Variants in RBM19 observed in about 807,000 individuals in gnomAD.
RBM19 encodes the protein RNA binding motif protein 19, also known as probable RNA-binding protein 19.
RBM19 carries 94 observed loss-of-function variants against 116.8 expected under a neutral mutation model. The observed-to-expected ratio is 0.80, with a 90% confidence interval of 0.68 to 0.95. The LOEUF is 0.95. Ranked by LOEUF, RBM19 falls within the 40% of genes least tolerant of loss-of-function variation. The pLI, the probability that RBM19 is intolerant of heterozygous loss-of-function variation, is 0.00. For synonymous variants in RBM19, 475 were observed against 494.1 expected, an observed-to-expected ratio of 0.96 and a Z score of 0.51; for missense variants, 1,161 against 1,220.7, an observed-to-expected ratio of 0.95 and a Z score of 0.73.
chr12:113,953,913 G>A (rs1174692180), intron 7 of RBM19, among the ~76,000 whole-genome samples: 3 of 152,236 alleles, frequency 2.0e-5, no homozygotes, highest in Non-Finnish European at 4.4e-5. Flanking sequence ...GGCTTACAAA[G>A]CCTGACATAT....
At chr12:113,820,245 TAA>T (rs10667485), downstream of RBM19, among the ~76,000 whole-genome samples, 1 of 140,040 alleles carries the variant, frequency 7.1e-6, no homozygotes, top group Non-Finnish European at 1.5e-5. Context: ...ACTGATGAAC[TAA>T]AAAAAAAAAA....
intron 21 of RBM19, among the ~76,000 whole-genome samples, chr12:113,866,335 C>A (rs1878807219): frequency 6.6e-6 from 1 of 152,152 alleles, no homozygotes; most frequent in Non-Finnish European, 1.5e-5. Flanking sequence ...TGGAGGAGGG[C>A]CTTTAGCTTT....
intron 7 of RBM19, among the ~76,000 whole-genome samples, chr12:113,954,817 C>T (rs73401066): frequency 0.088 from 13,325 of 152,164 alleles, 674 homozygotes; most frequent in East Asian, 0.17. Context: ...CAACAGAGAC[C>T]GTGTTGATCA....
At chr12:113,950,055 A>G in intron 9 of RBM19, 28 bp downstream of exon 9, 1 of 1,554,234 alleles carries the variant, frequency 6.4e-7, no homozygotes. Flanking sequence ...TGTAACACAG[A>G]GAGAGCACAT....
At chr12:113,841,068 C>A (rs1876429830) in intron 23 of RBM19, among the ~76,000 whole-genome samples, 1 of 152,314 alleles carries the variant, frequency 6.6e-6, no homozygotes, top group South Asian at 2.1e-4. Context: ...CTTCCAGAAC[C>A]TGGGAGGGCA....
rs1458573552 is a variant in RBM19 at position 113,823,113 on chromosome 12, C to T, written c.*111G>A. 19 of 984,246 alleles carry T rather than the reference C, an allele frequency of 1.9e-5. No individual in the cohort carries two copies. The highest frequency in any genetic ancestry group is 5.2e-5 in the East Asian group (2 of 38,500). The allele number at this position is 984,246 out of a possible 1,614,324, so 61.0% of individuals were successfully genotyped here. The stretch of plus-strand genomic sequence containing the variant: ...ACCTTGGACCAGTGCAGGGTGGGGC[C>T]GCCTGCCGCTCCCCGCCCCGCCCCC... On this transcript the variant is annotated 3_prime_UTR_variant, in exon 24 of 24. Coordinates refer to ENST00000261741, the MANE Select transcript of RBM19 (RefSeq NM_016196.4).
intron 22 of RBM19, among the ~76,000 whole-genome samples, chr12:113,849,292 C>T (rs1877258592): frequency 6.6e-6 from 1 of 152,238 alleles, no homozygotes; most frequent in South Asian, 2.1e-4. Context: ...GGTGCTGGGG[C>T]AGAGGCCACT....
chr12:113,860,444 G>A (rs1039311616), intron 21 of RBM19, among the ~76,000 whole-genome samples: 14 of 152,228 alleles, frequency 9.2e-5, no homozygotes, highest in South Asian at 2.1e-4. Context: ...TTGTAAGCTC[G>A]TTCAGATGAA....
At chr12:113,920,734 G>A in intron 18 of RBM19, 44 bp from the exon 19 acceptor site, 1 of 1,565,790 alleles carries the variant, frequency 6.4e-7, no homozygotes, top group Non-Finnish European at 8.8e-7. Context: ...TGAAGCGGAA[G>A]CACAAGGCCA....
chr12:113,947,706 T>C (rs571085902), intron 10 of RBM19, among the ~76,000 whole-genome samples: 1 of 152,340 alleles, frequency 6.6e-6, no homozygotes, highest in African/African-American at 2.4e-5. Context: ...TTTTCATCTG[T>C]AAAACAGCAC....
chr12:113,829,920 AC>A (rs1875224754), intron 23 of RBM19, among the ~76,000 whole-genome samples: 1 of 152,196 alleles, frequency 6.6e-6, no homozygotes, highest in African/African-American at 2.4e-5. Context: ...AGCTGCAGGG[AC>A]CACTCCTCAG....
rs1874738414 is a variant in RBM19 at position 113,825,027 on chromosome 12, TGCCAC to T, written c.2786-1711_2786-1707del. Reference sequence around the variant, plus strand: ...CTCTCCCTCTACCTCTGAGCTCCAATGCCACCCCACCCCCTGGCACTTTTTATTAC... The same window carrying T: ...CTCTCCCTCTACCTCTGAGCTCCAATCCCACCCCCTGGCACTTTTTATTAC... On this transcript the variant is annotated intron_variant, in intron 23 of 23. Coordinates refer to ENST00000261741, the MANE Select transcript of RBM19 (RefSeq NM_016196.4). This position sits in a 1 kb window ranked among gnomAD's most constrained non-coding sequence, Gnocchi z 5.7. Among the ~76,000 whole-genome samples, 1 of 152,158 alleles carries T rather than the reference TGCCAC, an allele frequency of 6.6e-6. No individual in the cohort carries two copies. Among genetic ancestry groups the T allele is most frequent in the Non-Finnish European group, 1.5e-5 (1 of 68,024 alleles).
intron 10 of RBM19, 148 bp from the exon 11 acceptor site, chr12:113,947,612 T>G: frequency 2.4e-6 from 2 of 822,468 alleles, no homozygotes; most frequent in Non-Finnish European, 1.8e-6. Context: ...ACAGCAACAA[T>G]ACCTGGGCTG....
At chr12:113,817,515 C>T (rs7312601), downstream of RBM19, 50,735 of 152,140 alleles carry the variant, frequency 0.33, 9,060 homozygotes, top group East Asian at 0.54. Flanking sequence ...TAGCATGCTG[C>T]GCTCAGTGGC....
intron 19 of RBM19, 89 bp from the exon 20 acceptor site, chr12:113,918,536 G>A (rs181018875): frequency 1.8e-5 from 24 of 1,353,346 alleles, no homozygotes; most frequent in Admixed American, 1.8e-5. Flanking sequence ...GCCCTGGCTC[G>A]CAGATGGGAG....
intron 15 of RBM19, among the ~76,000 whole-genome samples, chr12:113,938,867 A>G (rs553640407): frequency 6.6e-6 from 1 of 152,210 alleles, no homozygotes; most frequent in Admixed American, 6.5e-5. Context: ...CCTTCAGAGG[A>G]AGCACAACCC....
At chr12:113,886,274 A>C (rs1880510176) in intron 21 of RBM19, among the ~76,000 whole-genome samples, 1 of 152,160 alleles carries the variant, frequency 6.6e-6, no homozygotes, top group Non-Finnish European at 1.5e-5. Context: ...TTGGGACTAC[A>C]GGCATGCACC....
intron 22 of RBM19, among the ~76,000 whole-genome samples, chr12:113,858,589 C>T (rs915480787): frequency 2.6e-5 from 4 of 152,200 alleles, no homozygotes; most frequent in African/African-American, 9.7e-5. Context: ...GAAGGGGACA[C>T]AGAAACTGCC....
chr12:113,878,845 G>C (rs923984086), intron 21 of RBM19, among the ~76,000 whole-genome samples: 8 of 150,926 alleles, frequency 5.3e-5, no homozygotes, highest in African/African-American at 1.9e-4. Flanking sequence ...AAAAAAAAAG[G>C]GGGGGGTGGT....
Sources: gnomAD v4.1 joint callset for allele counts (sites outside exome capture counted in the v4.1 genomes callset) on GRCh38, gnomAD v4.1.1 for gene constraint, Gnocchi (gnomAD v3.1) non-coding constraint, MANE v1.5 for transcripts, NCBI Gene and HGNC (gene_info 2026-07-23, HGNC 2026-07-21) for gene names.